Variants in DPP10 observed in about 807,000 individuals in gnomAD.
DPP10 encodes the protein dipeptidyl peptidase like 10, also known as inactive dipeptidyl peptidase 10.
DPP10 carries 33 observed loss-of-function variants against 120.9 expected under a neutral mutation model. The observed-to-expected ratio is 0.27, with a 90% CI of 0.21 to 0.37. DPP10 has a LOEUF of 0.37. Among genes scored for constraint, DPP10 ranks in the 10% least tolerant of loss-of-function variants. The pLI is 1.00. For missense variants in DPP10, 816 were observed against 942.8 expected (o/e 0.87, Z 1.76); for synonymous variants, 337 against 326.1 (o/e 1.03, Z -0.36).
chr2:114,666,057 A>G lies in DPP10; in HGVS notation c.60+223219A>G, dbSNP rs565173314. ...GTACCATCATTTTTTTCTGAGTTTTATCTTATATATACTAGTTATTGGTAC... is the reference window on the plus strand; with the variant it reads ...GTACCATCATTTTTTTCTGAGTTTTGTCTTATATATACTAGTTATTGGTAC... On this transcript the variant is annotated intron_variant, in intron 1 of 25. Coordinates refer to ENST00000410059, the MANE Select transcript of DPP10 (RefSeq NM_020868.6). Among the ~76,000 whole-genome samples the G allele has an allele frequency of 7.9e-5, 12 of 152,240 alleles. 1 individual carries two copies. The South Asian group carries it at 2.1e-3, about 26-fold the overall frequency.
intron 5 of DPP10, among the ~76,000 whole-genome samples, chr2:115,543,998 G>T (rs772319996): frequency 5.3e-5 from 8 of 150,286 alleles, no homozygotes; most frequent in Non-Finnish European, 1.2e-4. Flanking sequence ...TTAACAAATT[G>T]AAAAGTCTTC....
At chr2:115,081,414 T>C (rs978964329) in intron 1 of DPP10, among the ~76,000 whole-genome samples, 2 of 152,234 alleles carry the variant, frequency 1.3e-5, no homozygotes, top group Non-Finnish European at 2.9e-5. Flanking sequence ...TTAAGTCTGC[T>C]CACAGAGATC....
intron 19 of DPP10, among the ~76,000 whole-genome samples, chr2:115,802,678 T>A (rs1326649638): frequency 5.3e-5 from 8 of 152,180 alleles, no homozygotes; most frequent in Admixed American, 2.0e-4. Context: ...CTGCCTTCAT[T>A]TCGTTATGTA....
intron 5 of DPP10, among the ~76,000 whole-genome samples, chr2:115,617,289 T>TATATATACACAC (rs67359999): frequency 7.3e-6 from 1 of 136,530 alleles, no homozygotes; most frequent in Non-Finnish European, 1.6e-5. Flanking sequence ...TATATATATA[T>TATATATACACAC]ACACACATAG....
intron 1 of DPP10, among the ~76,000 whole-genome samples, chr2:114,467,834 A>G (rs983573155): frequency 5.3e-5 from 6 of 113,384 alleles, no homozygotes; most frequent in Non-Finnish European, 9.5e-5. Context: ...CCCCATCTCT[A>G]CAAAACAAAA....
chr2:115,028,762 A>G (rs1230921310), intron 1 of DPP10, among the ~76,000 whole-genome samples: 8 of 152,118 alleles, frequency 5.3e-5, no homozygotes, highest in Admixed American at 5.2e-4. Context: ...ATAGATGTCT[A>G]TACGAGTATA....
chr2:115,741,539 A>G (rs1677277707), intron 9 of DPP10, among the ~76,000 whole-genome samples: 1 of 151,660 alleles, frequency 6.6e-6, no homozygotes, highest in South Asian at 2.1e-4. Flanking sequence ...ACATTGTTTG[A>G]TTTATGATAA....
chr2:115,207,661 G>C (rs891809573), intron 1 of DPP10, among the ~76,000 whole-genome samples: 1 of 152,188 alleles, frequency 6.6e-6, no homozygotes, highest in African/African-American at 2.4e-5. Flanking sequence ...AACTCAGTGA[G>C]ACTAGAGCAG....
chr2:115,742,953 A>T (rs1677475487), intron 9 of DPP10, among the ~76,000 whole-genome samples: 1 of 151,940 alleles, frequency 6.6e-6, no homozygotes. Context: ...TTAGCAATTC[A>T]GCACAAAACA....
At chr2:115,315,874 T>A (rs1338971816) in intron 2 of DPP10, among the ~76,000 whole-genome samples, 1 of 152,152 alleles carries the variant, frequency 6.6e-6, no homozygotes, top group Non-Finnish European at 1.5e-5. Flanking sequence ...TTTAAATAGA[T>A]TTATCTCTGA....
intron 1 of DPP10, among the ~76,000 whole-genome samples, chr2:114,784,282 T>C (rs1682582787): frequency 6.6e-6 from 1 of 152,130 alleles, no homozygotes; most frequent in South Asian, 2.1e-4. Flanking sequence ...ACAAGTTATG[T>C]AACTTACTCA....
At chr2:115,715,106 G>T (rs1000661371) in intron 7 of DPP10, among the ~76,000 whole-genome samples, 27 of 150,588 alleles carry the variant, frequency 1.8e-4, no homozygotes, top group African/African-American at 6.3e-4. Flanking sequence ...TTGGGAGGCC[G>T]AGGGAGGCGG....
chr2:115,005,574 A>T (rs1701761503), intron 1 of DPP10, among the ~76,000 whole-genome samples: 1 of 152,126 alleles, frequency 6.6e-6, no homozygotes, highest in Non-Finnish European at 1.5e-5. Context: ...AAGAATGCAG[A>T]AGCCTCAGGA....
intron 1 of DPP10, among the ~76,000 whole-genome samples, chr2:114,677,201 T>C (rs1459557125): frequency 6.6e-6 from 1 of 152,120 alleles, no homozygotes; most frequent in Non-Finnish European, 1.5e-5. Context: ...TCACAGGCCA[T>C]GTAGTGCAAA....
At chr2:114,793,770 A>T (rs574348883) in intron 1 of DPP10, among the ~76,000 whole-genome samples, 1 of 152,138 alleles carries the variant, frequency 6.6e-6, no homozygotes, top group African/African-American at 2.4e-5. Flanking sequence ...GACTTCCTCT[A>T]TCCATTTCTT....
chr2:114,880,090 T>C (rs1691484882), intron 1 of DPP10, among the ~76,000 whole-genome samples: 1 of 152,194 alleles, frequency 6.6e-6, no homozygotes, highest in Admixed American at 6.5e-5. Context: ...TAGCTACTCT[T>C]AGAATCTGTA....
intron 7 of DPP10, among the ~76,000 whole-genome samples, chr2:115,698,285 G>A (rs752381717): frequency 9.9e-5 from 15 of 152,038 alleles, no homozygotes; most frequent in Non-Finnish European, 1.9e-4. Context: ...AAAAATTACA[G>A]AAAAATTAGA....
At chr2:114,793,603 C>G (rs1483538180) in intron 1 of DPP10, among the ~76,000 whole-genome samples, 1 of 152,184 alleles carries the variant, frequency 6.6e-6, no homozygotes, top group Non-Finnish European at 1.5e-5. Context: ...GAAAATTCCT[C>G]TGCCAAAACT....
At chr2:115,535,101 A>T (rs974590481) in intron 5 of DPP10, among the ~76,000 whole-genome samples, 12 of 151,612 alleles carry the variant, frequency 7.9e-5, no homozygotes, top group African/African-American at 2.9e-4. Context: ...TGCTGTGCAG[A>T]AGCTCTTTAC....
Sources: gnomAD v4.1 joint callset for allele counts (sites outside exome capture counted in the v4.1 genomes callset) on GRCh38, gnomAD v4.1.1 for gene constraint, MANE v1.5 for transcripts, NCBI Gene and HGNC (gene_info 2026-07-23, HGNC 2026-07-21) for gene names.